Variants in SLC35F3 observed in about 807,000 individuals in gnomAD.
SLC35F3 encodes putative thiamine transporter SLC35F3.
Under a neutral mutation model 49.9 loss-of-function variants are expected in SLC35F3, and 25 were observed. That is an observed-to-expected ratio of 0.50 (90% CI 0.37 to 0.70). The LOEUF (loss-of-function observed/expected upper bound fraction) is 0.70, where lower values mean the gene tolerates loss of function less well. Ranked by LOEUF, SLC35F3 falls within the 30% of genes least tolerant of loss-of-function variation. The pLI, the probability that SLC35F3 is intolerant of heterozygous loss-of-function variation, is 0.00. For synonymous variants in SLC35F3, 275 were observed against 265.4 expected (o/e 1.04, Z -0.35); for missense variants, 525 against 639.8 (o/e 0.82, Z 1.94).
At chr1:234,133,271 C>G (rs1006064476) in intron 2 of SLC35F3, among the ~76,000 whole-genome samples, 4 of 152,170 alleles carry the variant, frequency 2.6e-5, no homozygotes, top group Admixed American at 6.5e-5. Flanking sequence ...TCCTCAAGAT[C>G]CATTCCACAA....
At chr1:233,988,450 C>A (rs1451099100) in intron 2 of SLC35F3, among the ~76,000 whole-genome samples, 2 of 152,214 alleles carry the variant, frequency 1.3e-5, no homozygotes, top group East Asian at 3.8e-4. Flanking sequence ...GCTTCTGATA[C>A]AGACTTGCTA....
intron 2 of SLC35F3, among the ~76,000 whole-genome samples, chr1:233,935,189 C>CT (rs35418747): frequency 0.021 from 1,073 of 50,214 alleles, 301 homozygotes; most frequent in African/African-American, 0.082. Flanking sequence ...TTTCCTTGCC[C>CT]TTTTTTTTTT....
chr1:234,180,898 T>C (rs1240858533), intron 2 of SLC35F3, among the ~76,000 whole-genome samples: 5 of 152,202 alleles, frequency 3.3e-5, no homozygotes, highest in African/African-American at 1.2e-4. Context: ...CTGCCATGTA[T>C]CCATCACCCA....
intron 2 of SLC35F3, among the ~76,000 whole-genome samples, chr1:234,026,415 A>G (rs1663979778): frequency 6.6e-6 from 1 of 152,248 alleles, no homozygotes; most frequent in African/African-American, 2.4e-5. Flanking sequence ...TCTGAAAACT[A>G]CTTAGAAAGT....
chr1:234,118,015 T>A (rs1297978563), intron 2 of SLC35F3, among the ~76,000 whole-genome samples: 2 of 149,806 alleles, frequency 1.3e-5, no homozygotes, highest in African/African-American at 4.9e-5. Flanking sequence ...AAAGAGCTCA[T>A]AACCTTTAAG....
chr1:234,066,208 T>C (rs1355356713), intron 2 of SLC35F3, among the ~76,000 whole-genome samples: 1 of 152,212 alleles, frequency 6.6e-6, no homozygotes, highest in East Asian at 1.9e-4. Context: ...CGTGGTTTTT[T>C]TCTTTGGCTG....
At chr1:233,941,340 T>C (rs1662416732) in intron 2 of SLC35F3, among the ~76,000 whole-genome samples, 1 of 152,250 alleles carries the variant, frequency 6.6e-6, no homozygotes. Flanking sequence ...ATTTATCACC[T>C]TGTAACTGAA....
intron 3 of SLC35F3, among the ~76,000 whole-genome samples, chr1:234,254,116 C>T (rs1558274874): frequency 6.6e-6 from 1 of 152,244 alleles, no homozygotes; most frequent in Non-Finnish European, 1.5e-5. Context: ...TCCATGAAGA[C>T]TGGCCTTGGT....
intron 2 of SLC35F3, among the ~76,000 whole-genome samples, chr1:234,130,024 T>C (rs1284030134): frequency 2.6e-5 from 4 of 152,078 alleles, no homozygotes; most frequent in Admixed American, 1.3e-4. Context: ...TGTAAGAAAG[T>C]AGTAAGTTGG....
chr1:234,233,299 G>T (rs1201631201), intron 3 of SLC35F3, among the ~76,000 whole-genome samples: 1 of 152,238 alleles, frequency 6.6e-6, no homozygotes, highest in Non-Finnish European at 1.5e-5. Context: ...CATTAAAACT[G>T]ATTAGGATGG....
chr1:233,968,602 G>A (rs371172236), intron 2 of SLC35F3, among the ~76,000 whole-genome samples: 10 of 151,462 alleles, frequency 6.6e-5, no homozygotes, highest in South Asian at 6.3e-4. Flanking sequence ...ATTCTGCCTC[G>A]GCCTCCCAAG....
At chr1:234,247,871 A>ATGGGTCAGTTGGCTGGTCCATTGTTTGG (rs1667664717) in intron 3 of SLC35F3, among the ~76,000 whole-genome samples, 1 of 9,768 alleles carries the variant, frequency 1.0e-4, no homozygotes, top group African/African-American at 4.1e-4. Context: ...GCATTGTTTG[A>ATGGGTCAGTTGGCTGGTCCATTGTTTGG]TGGGTCAGTT....
chr1:234,143,418 A>G (rs1377582428), intron 2 of SLC35F3, among the ~76,000 whole-genome samples: 4 of 151,438 alleles, frequency 2.6e-5, no homozygotes, highest in Non-Finnish European at 5.9e-5. Context: ...CCTCCCAAGT[A>G]GCTGGGATTA....
intron 2 of SLC35F3, among the ~76,000 whole-genome samples, chr1:234,043,990 A>G (rs746815070): frequency 6.6e-6 from 1 of 152,154 alleles, no homozygotes; most frequent in Non-Finnish European, 1.5e-5. Context: ...TTAGTTGCCA[A>G]TGTAACAGTG....
intron 2 of SLC35F3, among the ~76,000 whole-genome samples, chr1:234,154,021 C>A (rs1026689147): frequency 5.3e-5 from 8 of 151,438 alleles, no homozygotes; most frequent in African/African-American, 1.5e-4. Flanking sequence ...GAGATCACAC[C>A]ACTGCACTCC....
Position 234,234,587 on chromosome 1 carries a change from C to G in SLC35F3, c.608+2846C>G, listed in dbSNP as rs56931449. On this transcript the variant is annotated intron_variant, in intron 3 of 7. Transcript: ENST00000366618. ...TAAATGCCCTGGAGTTGTTGAGTCC[C>G]AGCTACAGATTTTTTTTTTAAATGC... Among the ~76,000 whole-genome samples the G allele has an allele frequency of 1.6e-3, 250 of 152,180 alleles. 1 individual carries two copies. Among genetic ancestry groups the G allele is most frequent in the African/African-American group, 5.7e-3 (235 of 41,502 alleles).
intron 2 of SLC35F3, among the ~76,000 whole-genome samples, chr1:234,192,246 A>G (rs1666742280): frequency 6.6e-6 from 1 of 152,244 alleles, no homozygotes; most frequent in South Asian, 2.1e-4. Context: ...CAGAAAGATA[A>G]TCCACCATAA....
intron 2 of SLC35F3, among the ~76,000 whole-genome samples, chr1:233,984,763 C>A (rs1404392649): frequency 6.6e-6 from 1 of 152,144 alleles, no homozygotes; most frequent in Non-Finnish European, 1.5e-5. Flanking sequence ...TAGCTGAGGT[C>A]TACAGGCCAG....
chr1:234,086,033 G>A (rs1360237853), intron 2 of SLC35F3, among the ~76,000 whole-genome samples: 1 of 152,168 alleles, frequency 6.6e-6, no homozygotes, highest in Non-Finnish European at 1.5e-5. Flanking sequence ...TTGAGATCAG[G>A]ATATATCTTG....
Sources: gnomAD v4.1 joint callset for allele counts (sites outside exome capture counted in the v4.1 genomes callset) on GRCh38, gnomAD v4.1.1 for gene constraint, MANE v1.5 for transcripts, NCBI Gene and HGNC (gene_info 2026-07-23, HGNC 2026-07-21) for gene names.